The following SPIN1 variants were observed in gnomAD, a reference collection of about 807,000 sequenced individuals.
The protein encoded by SPIN1 is spindlin 1, also known as spindlin-1.
In SPIN1, 3 loss-of-function variants were observed where a neutral mutation model predicts 26.0. The observed-to-expected ratio is 0.12, with a 90% CI of 0.05 to 0.30. The LOEUF (loss-of-function observed/expected upper bound fraction) is 0.30. Among genes scored for constraint, SPIN1 ranks in the 10% least tolerant of loss-of-function variants. The pLI is 1.00. For missense variants in SPIN1, 126 were observed against 333.4 expected, an observed-to-expected ratio of 0.38 and a Z score of 4.84; for synonymous variants, 101 against 116.5, an observed-to-expected ratio of 0.87 and a Z score of 0.86.
chr9:88,402,510 C>CTTTTT (rs201771271), intron 1 of SPIN1, among the ~76,000 whole-genome samples: 1 of 139,660 alleles, frequency 7.2e-6, no homozygotes, highest in Non-Finnish European at 1.6e-5. Context: ...ATGAGGTCAA[C>CTTTTT]TTTTTTTTTT....
intron 4 of SPIN1, among the ~76,000 whole-genome samples, chr9:88,465,994 T>C (rs2118205476): frequency 6.6e-6 from 1 of 152,350 alleles, no homozygotes; most frequent in Middle Eastern, 3.4e-3. Context: ...ACTCTTAATG[T>C]ATTTTGATAG....
intron 1 of SPIN1, among the ~76,000 whole-genome samples, chr9:88,394,604 TAAC>T: frequency 6.6e-6 from 1 of 152,304 alleles, no homozygotes; most frequent in Middle Eastern, 3.4e-3. Context: ...AGTTTGAAAA[TAAC>T]ACTAATAAGC....
intron 2 of SPIN1, among the ~76,000 whole-genome samples, chr9:88,442,715 C>G (rs1311855883): frequency 1.3e-5 from 2 of 151,452 alleles, no homozygotes; most frequent in South Asian, 2.1e-4. Flanking sequence ...CTTTGATTTT[C>G]TACAGTTTGA....
At chr9:88,410,368 G>T (rs1218764749) in intron 1 of SPIN1, among the ~76,000 whole-genome samples, 3 of 152,050 alleles carry the variant, frequency 2.0e-5, no homozygotes, top group Non-Finnish European at 4.4e-5. Context: ...CAGTCCTCGA[G>T]TTTTTTGCCC....
At chr9:88,389,878 A>G (rs1006101680) in intron 1 of SPIN1, among the ~76,000 whole-genome samples, 1 of 152,136 alleles carries the variant, frequency 6.6e-6, no homozygotes, top group African/African-American at 2.4e-5. Context: ...TTGAAGTGAA[A>G]TTTTGGAAAG....
intron 1 of SPIN1, among the ~76,000 whole-genome samples, chr9:88,412,226 G>A (rs755534755): frequency 7.2e-5 from 11 of 151,988 alleles, no homozygotes; most frequent in Non-Finnish European, 1.6e-4. Context: ...TCCAGTAGTC[G>A]TTGATAGAGC....
chr9:88,456,767 A>G (rs61411648), intron 3 of SPIN1, among the ~76,000 whole-genome samples: 4,011 of 152,312 alleles, frequency 0.026, 175 homozygotes, highest in African/African-American at 0.092. Context: ...CACTAAACGC[A>G]TAAAAGACAG....
chr9:88,409,010 T>TGTGTGTGTGTGTGTGTGTG (rs1827377525), intron 1 of SPIN1, among the ~76,000 whole-genome samples: 8 of 146,392 alleles, frequency 5.5e-5, no homozygotes, highest in African/African-American at 2.0e-4. Flanking sequence ...TGTGTGTGTG[T>TGTGTGTGTGTGTGTGTGTG]TTGAGATGAA....
intron 1 of SPIN1, among the ~76,000 whole-genome samples, chr9:88,393,955 C>A (rs1187529281): frequency 6.6e-6 from 1 of 152,118 alleles, no homozygotes; most frequent in African/African-American, 2.4e-5. Context: ...TCAAGCTATT[C>A]TCCTGGCTCA....
At chr9:88,429,251 A>G (rs1408011424) in intron 2 of SPIN1, among the ~76,000 whole-genome samples, 1 of 152,188 alleles carries the variant, frequency 6.6e-6, no homozygotes, top group Non-Finnish European at 1.5e-5. Context: ...GCTTCCCACC[A>G]GCAATCAAGC....
intron 4 of SPIN1, among the ~76,000 whole-genome samples, chr9:88,465,915 A>T (rs1000424639): frequency 2.0e-5 from 3 of 152,230 alleles, no homozygotes; most frequent in Admixed American, 6.5e-5. Flanking sequence ...GCTAAAGCAG[A>T]TATGAGAATC....
intron 1 of SPIN1, among the ~76,000 whole-genome samples, chr9:88,408,400 CG>C (rs1017885158): frequency 7.9e-6 from 1 of 126,480 alleles, no homozygotes; most frequent in Non-Finnish European, 1.6e-5. Flanking sequence ...TTTTTTGAGA[CG>C]GAGTGTTGCT....
At chr9:88,390,809 C>T (rs971999031) in intron 1 of SPIN1, among the ~76,000 whole-genome samples, 21 of 152,032 alleles carry the variant, frequency 1.4e-4, no homozygotes, top group Non-Finnish European at 2.4e-4. Context: ...CTTACTGGTC[C>T]AAAGCCACAT....
Position 88,426,535 on chromosome 9 carries a change from G to A in SPIN1, c.-5G>A. On this transcript the variant is annotated 5_prime_UTR_variant, in exon 2 of 6. Coordinates refer to ENST00000375859, the MANE Select transcript of SPIN1 (RefSeq NM_006717.3). Reference sequence around the variant, plus strand: ...CAGCTCCGCTGCTCACTTAAATACAGATGAATGAAGACCCCATTCGGAAAG... The same window carrying A: ...CAGCTCCGCTGCTCACTTAAATACAAATGAATGAAGACCCCATTCGGAAAG... 1 of 1,613,240 alleles carries A rather than the reference G, an allele frequency of 6.2e-7. No homozygotes were observed. The highest frequency in any genetic ancestry group is 8.5e-7 in the Non-Finnish European group (1 of 1,179,434).
intron 2 of SPIN1, among the ~76,000 whole-genome samples, chr9:88,435,886 A>C (rs1442623393): frequency 6.6e-6 from 1 of 152,028 alleles, no homozygotes; most frequent in East Asian, 1.9e-4. Context: ...GGTTTCTCAG[A>C]TCCTATGTGT....
At chr9:88,444,908 A>G (rs1828214273) in intron 2 of SPIN1, among the ~76,000 whole-genome samples, 1 of 151,464 alleles carries the variant, frequency 6.6e-6, no homozygotes, top group South Asian at 2.1e-4. Context: ...ATTAGCCAGG[A>G]TGGTCTCGAT....
At chr9:88,412,554 T>TATGG (rs1229440438) in intron 1 of SPIN1, among the ~76,000 whole-genome samples, 2 of 152,170 alleles carry the variant, frequency 1.3e-5, no homozygotes, top group Non-Finnish European at 2.9e-5. Context: ...TTATGAAACC[T>TATGG]ATGGATGCCT....
At chr9:88,445,443 T>G (rs1468312979) in intron 2 of SPIN1, among the ~76,000 whole-genome samples, 1 of 151,848 alleles carries the variant, frequency 6.6e-6, no homozygotes, top group Non-Finnish European at 1.5e-5. Flanking sequence ...GTCAGGCCTA[T>G]CTCCCAGTTT....
intron 1 of SPIN1, among the ~76,000 whole-genome samples, chr9:88,389,819 A>G (rs1410837991): frequency 6.6e-6 from 1 of 152,234 alleles, no homozygotes; most frequent in Admixed American, 6.5e-5. Flanking sequence ...AGTGAAAATT[A>G]AACTTGGAGA....
Sources: gnomAD v4.1 joint callset for allele counts (sites outside exome capture counted in the v4.1 genomes callset) on GRCh38, gnomAD v4.1.1 for gene constraint, MANE v1.5 for transcripts, NCBI Gene and HGNC (gene_info 2026-07-23, HGNC 2026-07-21) for gene names.